UNC5B: variants seen among roughly 807,000 people sequenced by gnomAD.
UNC5B encodes the protein unc-5 netrin receptor B.
A neutral mutation model predicts 103.7 loss-of-function variants in UNC5B; 56 were observed. The observed-to-expected ratio is 0.54, with a 90% CI of 0.44 to 0.67. The LOEUF is 0.67. Ranked by LOEUF, UNC5B falls within the 30% of genes least tolerant of loss-of-function variation. The probability of loss-of-function intolerance (pLI) is 0.00; values close to 1 mark genes in which losing one functional copy is unlikely to be tolerated. For synonymous variants in UNC5B, 577 were observed against 542.0 expected (o/e 1.06, Z -0.90); for missense variants, 1,194 against 1,284.5 (o/e 0.93, Z 1.08).
At chr10:71,289,620 A>G (rs376852887) in intron 8 of UNC5B, among the ~76,000 whole-genome samples, 1 of 152,242 alleles carries the variant, frequency 6.6e-6, no homozygotes, top group Non-Finnish European at 1.5e-5. Flanking sequence ...TCATAAAATC[A>G]GTGAGGCCCT....
intron 1 of UNC5B, among the ~76,000 whole-genome samples, chr10:71,272,614 C>G (rs1282620451): frequency 6.6e-6 from 1 of 152,230 alleles, no homozygotes; most frequent in Non-Finnish European, 1.5e-5. Context: ...CCTCCTCAGT[C>G]CTGAATCAGC....
chr10:71,234,165 G>A (rs916415136), intron 1 of UNC5B, among the ~76,000 whole-genome samples: 1 of 152,180 alleles, frequency 6.6e-6, no homozygotes, highest in African/African-American at 2.4e-5. Context: ...GGTGGGGGGC[G>A]GAGATAAGGA....
intron 1 of UNC5B, among the ~76,000 whole-genome samples, chr10:71,258,774 C>A (rs2132278843): frequency 6.6e-6 from 1 of 152,370 alleles, no homozygotes; most frequent in African/African-American, 2.4e-5. Context: ...AAGGTCCCCA[C>A]CCTGCCCCAA....
chr10:71,271,686 G>A lies in UNC5B; in HGVS notation c.80-8135G>A, dbSNP rs575194900. Among the ~76,000 whole-genome samples the A allele has an allele frequency of 7.2e-5, 11 of 152,284 alleles. No individual in the cohort carries two copies. The South Asian group carries it at 2.1e-3, about 29-fold the overall frequency. ...AGCACTGCACCTGCCCTGGGGCCTC[G>A]ACCCCAGCCTCCCATCCACTTCTTC... is the stretch of plus-strand genomic sequence containing the variant. On this transcript the variant is annotated intron_variant, in intron 1 of 16. Coordinates refer to ENST00000335350, the MANE Select transcript of UNC5B (RefSeq NM_170744.5).
chr10:71,213,012 C>G lies in UNC5B; in HGVS notation c.27C>G (p.Gly9=). The change falls in exon 1 of 17, where the codon GGC becomes GGG. Residue 9 remains glycine, a synonymous_variant. Transcript: ENST00000335350. This position sits in a 1 kb window ranked among gnomAD's most constrained non-coding sequence, Gnocchi z 4.1. MGARSGAR[G]ALLLALLLCW... is the part of the protein sequence containing the mutation. Reference sequence around the variant, plus strand: ...TGGGGGCCCGGAGCGGAGCTCGGGGCGCGCTGCTGCTGGCACTGCTGCTCT... The same window carrying G: ...TGGGGGCCCGGAGCGGAGCTCGGGGGGCGCTGCTGCTGGCACTGCTGCTCT... The G allele has an allele frequency of 4.2e-6, 6 of 1,413,940 alleles. No individual in the cohort carries two copies. The highest frequency in any genetic ancestry group is 4.6e-6 in the Non-Finnish European group (5 of 1,077,688). 87.6% of individuals were successfully genotyped at this position (1,413,940 alleles called of 1,614,324 possible). A position where few individuals can be genotyped will look rare whatever the true frequency, so the allele number is the denominator to read the frequency against.
chr10:71,248,371 C>CG (rs1007028792), intron 1 of UNC5B, among the ~76,000 whole-genome samples: 1 of 152,116 alleles, frequency 6.6e-6, no homozygotes, highest in Non-Finnish European at 1.5e-5. Context: ...AAAAGCCCCC[C>CG]GCACCTCCAG....
At chr10:71,226,102 T>C (rs113262724) in intron 1 of UNC5B, among the ~76,000 whole-genome samples, 1,585 of 152,214 alleles carry the variant, frequency 0.01, 13 homozygotes, top group Middle Eastern at 0.034. Flanking sequence ...TGAGACTGAG[T>C]CTTGCTCTAT....
chr10:71,240,696 G>T (rs577973320), intron 1 of UNC5B, among the ~76,000 whole-genome samples: 1 of 152,230 alleles, frequency 6.6e-6, no homozygotes, highest in Non-Finnish European at 1.5e-5. Context: ...TCCACTACTC[G>T]GTCTCATTTC....
Position 71,286,780 on chromosome 10 carries a change from C to A in UNC5B, c.644C>A (p.Ala215Asp). 1 of 1,614,232 alleles carries A rather than the reference C, an allele frequency of 6.2e-7. No homozygotes were observed. The highest frequency in any genetic ancestry group is 8.5e-7 in the Non-Finnish European group (1 of 1,180,044). ...TIDHNLIIRQ[A>D]RLSDTANYTC... The stretch of plus-strand genomic sequence containing the variant: ...GACCACAACCTCATCATCCGCCAGG[C>A]CCGCCTGTCGGACACTGCCAACTAT... The change falls in exon 5 of 17, where the codon GCC becomes GAC. Residue 215 changes from alanine to aspartate, a missense_variant. Coordinates refer to ENST00000335350, the MANE Select transcript of UNC5B (RefSeq NM_170744.5).
At chr10:71,261,202 C>G (rs1844410307) in intron 1 of UNC5B, among the ~76,000 whole-genome samples, 3 of 152,148 alleles carry the variant, frequency 2.0e-5, no homozygotes, top group African/African-American at 7.2e-5. Context: ...CCTGTTTTTC[C>G]CTTGGGTTGA....
intron 1 of UNC5B, among the ~76,000 whole-genome samples, chr10:71,274,358 CA>C (rs1195363641): frequency 1.3e-4 from 19 of 147,312 alleles, no homozygotes; most frequent in South Asian, 2.2e-4. Flanking sequence ...GACTCTGTCT[CA>C]AAAAAAAAAA....
intron 2 of UNC5B, among the ~76,000 whole-genome samples, chr10:71,284,157 G>A (rs758328542): frequency 2.0e-5 from 3 of 152,166 alleles, no homozygotes; most frequent in Non-Finnish European, 2.9e-5. Context: ...GAGAGCTGTC[G>A]GGGAGGCGCA....
At chr10:71,216,225 C>T (rs549649265) in intron 1 of UNC5B, among the ~76,000 whole-genome samples, 3 of 152,334 alleles carry the variant, frequency 2.0e-5, no homozygotes, top group East Asian at 1.9e-4. Flanking sequence ...TCCATCTGGG[C>T]TGGAGACCCA....
At chr10:71,288,885 CT>C in intron 7 of UNC5B, 72 bp from the exon 8 acceptor site, 1 of 1,583,712 alleles carries the variant, frequency 6.3e-7, no homozygotes, top group South Asian at 1.1e-5. Context: ...TCATCTCATC[CT>C]TCCCATTGCC....
chr10:71,225,941 T>C (rs1016800842), intron 1 of UNC5B, among the ~76,000 whole-genome samples: 10 of 152,284 alleles, frequency 6.6e-5, no homozygotes, highest in Non-Finnish European at 1.0e-4. Flanking sequence ...CTGCTGAGCC[T>C]GTGGTGGGTT....
chr10:71,222,975 A>G (rs1050429313), intron 1 of UNC5B, among the ~76,000 whole-genome samples: 5 of 152,142 alleles, frequency 3.3e-5, no homozygotes, highest in Non-Finnish European at 7.4e-5. Flanking sequence ...CCCCATCCCT[A>G]TCCCACCTTT....
intron 1 of UNC5B, among the ~76,000 whole-genome samples, chr10:71,233,307 TG>T (rs1435089773): frequency 6.6e-6 from 1 of 152,126 alleles, no homozygotes; most frequent in Non-Finnish European, 1.5e-5. Context: ...CCCGGGGTCC[TG>T]AGGTGGCCCC....
intron 13 of UNC5B, among the ~76,000 whole-genome samples, chr10:71,294,343 A>T (rs1397096428): frequency 1.3e-5 from 2 of 152,154 alleles, no homozygotes; most frequent in Non-Finnish European, 2.9e-5. Flanking sequence ...AGGCATAGGG[A>T]ATGTGTGAAT....
At chr10:71,254,380 T>C (rs1039962906) in intron 1 of UNC5B, among the ~76,000 whole-genome samples, 1 of 152,192 alleles carries the variant, frequency 6.6e-6, no homozygotes, top group Non-Finnish European at 1.5e-5. Context: ...GGACCATGGG[T>C]ACCTGGCGTC....
Sources: gnomAD v4.1 joint callset for allele counts (sites outside exome capture counted in the v4.1 genomes callset) on GRCh38, gnomAD v4.1.1 for gene constraint, Gnocchi (gnomAD v3.1) non-coding constraint, MANE v1.5 for transcripts, NCBI Gene and HGNC (gene_info 2026-07-23, HGNC 2026-07-21) for gene names.